The following NLGN1 variants were observed in gnomAD, a reference collection of about 807,000 sequenced individuals.
NLGN1 encodes neuroligin-1.
Under a neutral mutation model 65.5 loss-of-function variants are expected in NLGN1, and 12 were observed. That is an observed-to-expected ratio of 0.18 (90% CI 0.12 to 0.30). The LOEUF is 0.30. Ranked by LOEUF, NLGN1 falls within the 10% of genes least tolerant of loss-of-function variation. NLGN1 has a pLI of 1.00. For missense variants in NLGN1, 750 were observed against 1,007.1 expected, an observed-to-expected ratio of 0.74 and a Z score of 3.46; for synonymous variants, 350 against 359.5, an observed-to-expected ratio of 0.97 and a Z score of 0.30.
chr3:173,481,691 G>C (rs1008485761), intron 2 of NLGN1, among the ~76,000 whole-genome samples: 8 of 151,708 alleles, frequency 5.3e-5, no homozygotes, highest in African/African-American at 1.9e-4. Context: ...CATTTTTTAA[G>C]GTAGCTGCTT....
At chr3:174,119,860 T>C (rs1227632094) in intron 4 of NLGN1, among the ~76,000 whole-genome samples, 8 of 152,216 alleles carry the variant, frequency 5.3e-5, no homozygotes, top group Non-Finnish European at 8.8e-5. Context: ...TATATACTCA[T>C]GGTGCAGTGA....
chr3:174,086,314 T>TATATATATATATTTATGTATGTGCATAA (rs1743371333), intron 4 of NLGN1, among the ~76,000 whole-genome samples: 1 of 4,066 alleles, frequency 2.5e-4, no homozygotes, highest in Non-Finnish European at 1.0e-3. Flanking sequence ...TGTGCATAAA[T>TATATATATATATTTATGTATGTGCATAA]ATATATATAT....
At chr3:173,729,296 A>G (rs1258937314) in intron 3 of NLGN1, among the ~76,000 whole-genome samples, 1 of 152,078 alleles carries the variant, frequency 6.6e-6, no homozygotes, top group African/African-American at 2.4e-5. Context: ...TTGAGTTCAG[A>G]TTCATCAATG....
At chr3:173,582,994 C>T (rs1746641581) in intron 2 of NLGN1, among the ~76,000 whole-genome samples, 2 of 152,240 alleles carry the variant, frequency 1.3e-5, no homozygotes, top group East Asian at 3.9e-4. Flanking sequence ...ATGTCATCTT[C>T]CCTCAGTGCT....
intron 4 of NLGN1, among the ~76,000 whole-genome samples, chr3:174,171,682 T>C (rs1402334747): frequency 6.6e-6 from 1 of 152,198 alleles, no homozygotes; most frequent in African/African-American, 2.4e-5. Flanking sequence ...ACAAATCATA[T>C]GATAGTTTGG....
chr3:173,881,596 T>C lies in NLGN1; in HGVS notation c.646+73764T>C, dbSNP rs13093341. 2.9e-3 allele frequency among the ~76,000 whole-genome samples: 432 copies of C among 151,516 alleles called. 1 individual carries two copies. The highest frequency in any genetic ancestry group is 9.9e-3 in the African/African-American group (407 of 41,260). On this transcript the variant is annotated intron_variant, in intron 4 of 6. Coordinates refer to ENST00000457714, the Ensembl canonical transcript of NLGN1. ...CCCGCCACCACGCCTGGCTAATTTT[T>C]TGTGTGTTTTTAGTAGAGACGGGGT...
downstream of NLGN1, among the ~76,000 whole-genome samples, chr3:174,287,013 C>T (rs1237694441): frequency 2.0e-5 from 3 of 151,414 alleles, no homozygotes; most frequent in African/African-American, 7.3e-5. Context: ...AGATGTGTGA[C>T]AGTTTTTTAA....
intron 4 of NLGN1, among the ~76,000 whole-genome samples, chr3:174,270,807 C>G (rs934171146): frequency 5.9e-5 from 9 of 151,812 alleles, no homozygotes; most frequent in African/African-American, 2.2e-4. Flanking sequence ...AGAGTTAGCA[C>G]ATAGGATTTC....
chr3:173,592,547 A>C (rs1161164148), intron 2 of NLGN1, among the ~76,000 whole-genome samples: 1 of 152,030 alleles, frequency 6.6e-6, no homozygotes, highest in African/African-American at 2.4e-5. Flanking sequence ...ATTTGTTTCC[A>C]CCTCTTCTAT....
chr3:173,528,241 T>C (rs1291452258), intron 2 of NLGN1, among the ~76,000 whole-genome samples: 1 of 152,178 alleles, frequency 6.6e-6, no homozygotes, highest in African/African-American at 2.4e-5. Flanking sequence ...TATAAAACTC[T>C]TGACTGACAA....
intron 4 of NLGN1, among the ~76,000 whole-genome samples, chr3:173,922,623 C>G (rs1405414946): frequency 1.3e-5 from 2 of 151,960 alleles, no homozygotes; most frequent in East Asian, 3.8e-4. Context: ...ACTTCAAGAA[C>G]TGCAGATTTA....
At chr3:173,811,298 T>C (rs1172392212) in intron 4 of NLGN1, among the ~76,000 whole-genome samples, 3 of 151,980 alleles carry the variant, frequency 2.0e-5, no homozygotes, top group African/African-American at 7.2e-5. Context: ...GTGTGATGGC[T>C]CACACCTGTA....
At chr3:173,839,480 T>C (rs1011466462) in intron 4 of NLGN1, among the ~76,000 whole-genome samples, 3 of 151,886 alleles carry the variant, frequency 2.0e-5, no homozygotes, top group African/African-American at 7.3e-5. Context: ...TGGAGTGCAG[T>C]GGCGTGACCT....
At position 173,956,722 on chromosome 3, in the gene NLGN1, T is replaced by C. The variant is rs535276163; in HGVS notation, c.646+148890T>C. On this transcript the variant is annotated intron_variant, in intron 4 of 6. Coordinates refer to ENST00000457714, the Ensembl canonical transcript of NLGN1. ...AGTTTTCTTTAAAGAGTTGTCAGTGTAAACGTTCTAAATAGAACAAAGCAT... is the reference window on the plus strand; with the variant it reads ...AGTTTTCTTTAAAGAGTTGTCAGTGCAAACGTTCTAAATAGAACAAAGCAT... 2.0e-5 allele frequency among the ~76,000 whole-genome samples: 3 copies of C among 152,248 alleles called. No homozygotes were observed. In the East Asian group the frequency reaches 5.8e-4, roughly 29 times the overall value.
chr3:173,977,480 A>T (rs1717763226), intron 4 of NLGN1, among the ~76,000 whole-genome samples: 1 of 152,068 alleles, frequency 6.6e-6, no homozygotes, highest in South Asian at 2.1e-4. Flanking sequence ...AATCTGCAGG[A>T]TCATGTACAA....
intron 3 of NLGN1, among the ~76,000 whole-genome samples, chr3:173,805,063 G>A (rs979685397): frequency 6.6e-6 from 1 of 152,006 alleles, no homozygotes; most frequent in Middle Eastern, 3.2e-3. Flanking sequence ...GCCTAAGGTG[G>A]ACCACTCTGA....
intron 2 of NLGN1, among the ~76,000 whole-genome samples, chr3:173,472,014 A>G (rs1362305360): frequency 1.3e-5 from 2 of 152,150 alleles, no homozygotes; most frequent in Non-Finnish European, 2.9e-5. Context: ...TGGGGTTAAT[A>G]TAAAACTCAC....
At chr3:174,163,742 G>A (rs147770450) in intron 4 of NLGN1, among the ~76,000 whole-genome samples, 3 of 152,006 alleles carry the variant, frequency 2.0e-5, no homozygotes, top group Non-Finnish European at 4.4e-5. Flanking sequence ...CTGCTTCAAC[G>A]TTGCTGCAAA....
At chr3:173,966,094 A>G (rs554833981) in intron 4 of NLGN1, among the ~76,000 whole-genome samples, 1 of 152,156 alleles carries the variant, frequency 6.6e-6, no homozygotes, top group Non-Finnish European at 1.5e-5. Flanking sequence ...GTTAGCACCA[A>G]CTGATATTCA....
Sources: gnomAD v4.1 joint callset for allele counts (sites outside exome capture counted in the v4.1 genomes callset) on GRCh38, gnomAD v4.1.1 for gene constraint, MANE v1.5 for transcripts, NCBI Gene and HGNC (gene_info 2026-07-23, HGNC 2026-07-21) for gene names.